Variants in NPC1L1 observed in about 807,000 individuals in gnomAD.
The protein encoded by NPC1L1 is NPC1-like intracellular cholesterol transporter 1.
Under a neutral mutation model 117.0 loss-of-function variants are expected in NPC1L1, and 98 were observed. The observed-to-expected ratio is 0.84, with a 90% CI of 0.71 to 0.99. NPC1L1 has a LOEUF of 0.99. Among genes scored for constraint, NPC1L1 ranks in the 50% least tolerant of loss-of-function variants. NPC1L1 has a pLI of 0.00. For missense variants in NPC1L1, 1,540 were observed against 1,710.0 expected (o/e 0.90, Z 1.75); for synonymous variants, 729 against 727.6 (o/e 1.00, Z -0.03).
At position 44,515,864 on chromosome 7, in the gene NPC1L1, C is replaced by T; in HGVS notation, c.3735G>A (p.Leu1245=). ...IQIFFFRLNL[L]ITLLGLLHGL... is the part of the protein sequence containing the mutation. ...CATGCAGCAGGCCCAGCAGAGTGAT[C>T]AGGAGGTTGAGGCGGAAGAAGAAGA... is the stretch of plus-strand genomic sequence containing the variant. Residue 1245 remains leucine (L), a synonymous_variant, in exon 18 of 19, where the codon CTG becomes CTA. Coordinates refer to ENST00000381160, the MANE Select transcript of NPC1L1 (RefSeq NM_001101648.2). The T allele has an allele frequency of 6.2e-7, 1 of 1,614,104 alleles. No individual in the cohort carries two copies. Among genetic ancestry groups the T allele is most frequent in the Non-Finnish European group, 8.5e-7 (1 of 1,180,012 alleles).
Position 44,540,124 on chromosome 7 carries a change from G to T in NPC1L1, c.273C>A (p.Cys91Ter). 2 of 1,614,200 alleles carry T rather than the reference G, an allele frequency of 1.2e-6. No homozygotes were observed. The highest frequency in any genetic ancestry group is 2.2e-5 in the South Asian group (2 of 91,086). ...CCAGTGATACCAGCTGCTTGGCGGA[G>T]CAGCAGGCTTGGGTGTTGGGGCCGG... Reference protein sequence around the residue: ...LYTGPNTQACCSAKQLVSLEA... With the variant: ...LYTGPNTQAC The change falls in exon 2 of 19, where the codon TGC becomes TGA. Residue 91 changes from cysteine to a stop codon, truncating the protein, a stop_gained. Coordinates refer to ENST00000381160, the MANE Select transcript of NPC1L1 (RefSeq NM_001101648.2). LOFTEE classifies it high-confidence loss of function.
At chr7:44,518,710 G>A (rs905684439) in intron 14 of NPC1L1, 8 of 1,204,192 alleles carry the variant, frequency 6.6e-6, no homozygotes, top group Non-Finnish European at 8.5e-6. Context: ...TGTACAGTGA[G>A]CATGTGTATC....
chr7:44,530,570 GA>G (rs879766423), intron 10 of NPC1L1, among the ~76,000 whole-genome samples: 51 of 151,594 alleles, frequency 3.4e-4, no homozygotes, highest in Non-Finnish European at 6.3e-4. Context: ...ATAAAAAACG[GA>G]AAAAAAATGA....
chr7:44,536,756 C>A lies in NPC1L1; in HGVS notation c.1681+86G>T. ...GGCTACCCCCAGGCCGCGAGAATCC[C>A]CAGCACCACTCCCACCCTCCCGTCT... On this transcript the variant is annotated intron_variant, in intron 3 of 18. Coordinates refer to ENST00000381160, the MANE Select transcript of NPC1L1 (RefSeq NM_001101648.2). The surrounding 1 kb of genome is among the most constrained non-coding windows in gnomAD (Gnocchi z 4.7). The A allele has an allele frequency of 7.9e-7, 1 of 1,258,404 alleles. No homozygotes were observed. The highest frequency in any genetic ancestry group is 1.2e-6 in the Non-Finnish European group (1 of 864,844). The allele number at this position is 1,258,404 out of a possible 1,614,324, so 78.0% of individuals were successfully genotyped here. A position where few individuals can be genotyped will look rare whatever the true frequency, so the allele number is the denominator to read the frequency against.
chr7:44,533,105 C>CAA (rs879840145), intron 8 of NPC1L1: 176 of 254,080 alleles, frequency 6.9e-4, no homozygotes, highest in South Asian at 1.4e-3. Context: ...AACTCCGTCT[C>CAA]AAAAAAAAAA....
Position 44,534,291 on chromosome 7 carries a change from C to T in NPC1L1, c.2166+156G>A, listed in dbSNP as rs936751014. 3.3e-5 allele frequency among the ~76,000 whole-genome samples: 5 copies of T among 152,180 alleles called. No homozygotes were observed. The highest frequency in any genetic ancestry group is 9.7e-5 in the African/African-American group (4 of 41,420). Reference sequence around the variant, plus strand: ...GGATGAAGTCATTTATGTCAACACACTCTAGTTTCTACAGATATTGTAAAC... The same window carrying T: ...GGATGAAGTCATTTATGTCAACACATTCTAGTTTCTACAGATATTGTAAAC... On this transcript the variant is annotated intron_variant, in intron 6 of 18. Transcript: ENST00000381160. This position sits in a 1 kb window ranked among gnomAD's most constrained non-coding sequence, Gnocchi z 5.2.
chr7:44,537,786 T>C (rs559191329), intron 2 of NPC1L1, among the ~76,000 whole-genome samples: 1 of 152,204 alleles, frequency 6.6e-6, no homozygotes, highest in Non-Finnish European at 1.5e-5. Flanking sequence ...ACTATAAAGC[T>C]ACCGTCAGAC....
chr7:44,523,043 A>G (rs1385413215), intron 10 of NPC1L1, among the ~76,000 whole-genome samples: 1 of 152,140 alleles, frequency 6.6e-6, no homozygotes, highest in Non-Finnish European at 1.5e-5. Flanking sequence ...TTTGTCTGGT[A>G]TAACTATTTT....
Position 44,533,445 on chromosome 7 carries a change from T to C in NPC1L1, c.2395A>G (p.Ser799Gly). ...SAFVALLSLD[S>G]KRQEASRLDV... ...GCTGCCCCTACCTCCTGCCTCTTGCTGTCCAGGGAGAGCAGGGCCACAAAG... is the reference window on the plus strand; with the variant it reads ...GCTGCCCCTACCTCCTGCCTCTTGCCGTCCAGGGAGAGCAGGGCCACAAAG... The change falls in exon 8 of 19, where the codon AGC (serine) becomes GGC (glycine). Residue 799 changes from serine (S) to glycine (G), a missense_variant. Ser to Gly is a moderately conservative substitution (Grantham distance 56). Coordinates refer to ENST00000381160, the MANE Select transcript of NPC1L1 (RefSeq NM_001101648.2). 1 of 1,613,940 alleles carries C rather than the reference T, an allele frequency of 6.2e-7. No homozygotes were observed. The highest frequency in any genetic ancestry group is 8.5e-7 in the Non-Finnish European group (1 of 1,179,918).
At chr7:44,521,454 G>A (rs1300055110) in intron 12 of NPC1L1, among the ~76,000 whole-genome samples, 6 of 152,264 alleles carry the variant, frequency 3.9e-5, no homozygotes, top group South Asian at 4.1e-4. Flanking sequence ...CCTGCCACCC[G>A]GGAGCACCAT....
Position 44,539,122 on chromosome 7 carries a change from CAG to C in NPC1L1, c.1273_1274del (p.Leu425AlafsTer120), listed in dbSNP as rs1305301465. ...CGCTGAAGTTCTTGGGCCCCAGCAG[CAG>C]AGAGTCATACCTGTAGCTGGACCGG... is the stretch of plus-strand genomic sequence containing the variant. ...PNRSSYRYDS[L>X]LLGPKNFSGI... is the part of the protein sequence containing the mutation. On this transcript the variant is annotated frameshift_variant, in exon 2 of 19. Coordinates refer to ENST00000381160, the MANE Select transcript of NPC1L1 (RefSeq NM_001101648.2). LOFTEE classifies it high-confidence loss of function. The surrounding 1 kb of genome is among the most constrained non-coding windows in gnomAD (Gnocchi z 4.4). 16 of 1,614,024 alleles carry C rather than the reference CAG, an allele frequency of 9.9e-6. No homozygotes were observed. The East Asian group carries it at 1.6e-4, about 16-fold the overall frequency.
intron 7 of NPC1L1, 44 bp from the exon 8 acceptor site, chr7:44,533,602 G>A (rs1435135254): frequency 3.7e-6 from 6 of 1,613,726 alleles, no homozygotes; most frequent in Non-Finnish European, 5.1e-6. Flanking sequence ...GGCTTCAAGG[G>A]CAGAGTGGTA....
intron 14 of NPC1L1, among the ~76,000 whole-genome samples, chr7:44,520,084 A>G (rs1801305560): frequency 6.6e-6 from 1 of 152,194 alleles, no homozygotes; most frequent in African/African-American, 2.4e-5. Context: ...GTTTGAGACC[A>G]GCTTGGCCAA....
chr7:44,541,275 G>T lies in NPC1L1; in HGVS notation c.-16C>A. ...CCTCCGCCATCCCAGGTCTGGGAAG[G>T]GGTCAGCGGGGAGCCAGGCCAGGCC... On this transcript the variant is annotated 5_prime_UTR_variant, in exon 1 of 19. Coordinates refer to ENST00000381160, the MANE Select transcript of NPC1L1 (RefSeq NM_001101648.2). The T allele has an allele frequency of 1.3e-6, 2 of 1,549,454 alleles. No homozygotes were observed. Among genetic ancestry groups the T allele is most frequent in the South Asian group, 1.2e-5 (1 of 83,972 alleles).
chr7:44,521,678 G>A (rs888647490), intron 12 of NPC1L1, 34 bp downstream of exon 12: 4 of 1,613,792 alleles, frequency 2.5e-6, no homozygotes, highest in Non-Finnish European at 3.4e-6. Flanking sequence ...CCCGAGCTGT[G>A]GTGGACAGTG....
chr7:44,539,686 A>T lies in NPC1L1; in HGVS notation c.711T>A (p.Asn237Lys). The T allele has an allele frequency of 1.2e-6, 2 of 1,613,986 alleles. No individual in the cohort carries two copies. Among genetic ancestry groups the T allele is most frequent in the Non-Finnish European group, 1.7e-6 (2 of 1,180,024 alleles). ...QAVGSGIQPL[N>K]EGVARCNESQ... Reference sequence around the variant, plus strand: ...ACTCATTGCAACGTGCAACCCCCTCATTCAGAGGCTGAATCCCACTCCCCA... The same window carrying T: ...ACTCATTGCAACGTGCAACCCCCTCTTTCAGAGGCTGAATCCCACTCCCCA... The change falls in exon 2 of 19, where the codon AAT becomes AAA. Residue 237 changes from asparagine to lysine, a missense_variant. Around this residue, in one of 3 missense-constraint regions of NPC1L1, gnomAD observed 793 missense variants for 820.4 expected, o/e 0.97. Coordinates refer to ENST00000381160, the MANE Select transcript of NPC1L1 (RefSeq NM_001101648.2). This position sits in a 1 kb window ranked among gnomAD's most constrained non-coding sequence, Gnocchi z 4.4.
At chr7:44,514,449 C>T (rs992250273) in intron 18 of NPC1L1, among the ~76,000 whole-genome samples, 2 of 152,176 alleles carry the variant, frequency 1.3e-5, no homozygotes, top group African/African-American at 2.4e-5. Context: ...AGATGGATCA[C>T]CTGAGGCCAC....
In NPC1L1 at chr7:44,520,921, C is replaced by A. The variant is rs201844646; in HGVS notation, c.3080+71G>T. 664 of 1,613,536 alleles carry A rather than the reference C, an allele frequency of 4.1e-4. No homozygotes were observed. The East Asian group carries it at 0.013, about 30-fold the overall frequency. Reference sequence around the variant, plus strand: ...GAGGCCCCTGATAGCCTCCTCCTGCCTCTCTATATTCAACCCCATCCTGTG... The same window carrying A: ...GAGGCCCCTGATAGCCTCCTCCTGCATCTCTATATTCAACCCCATCCTGTG... On this transcript the variant is annotated intron_variant, in intron 13 of 18. Coordinates refer to ENST00000381160, the MANE Select transcript of NPC1L1 (RefSeq NM_001101648.2).
Position 44,540,224 on chromosome 7 carries a change from A to G in NPC1L1, c.173T>C (p.Leu58Pro). 1 of 1,614,092 alleles carries G rather than the reference A, an allele frequency of 6.2e-7. No individual in the cohort carries two copies. The highest frequency in any genetic ancestry group is 8.5e-7 in the Non-Finnish European group (1 of 1,180,016). ...SLMTLSNVSC[L>P]SNTPARKITG... ...GATCTTGCGGGCCGGCGTGTTGGAC[A>G]GGCAGGACACGTTGGAGAGTGTCAT... is the stretch of plus-strand genomic sequence containing the variant. The change falls in exon 2 of 19, where the codon CTG (leucine) becomes CCG (proline). Residue 58 changes from leucine to proline, a missense_variant. Coordinates refer to ENST00000381160, the MANE Select transcript of NPC1L1 (RefSeq NM_001101648.2).
Sources: allele counts gnomAD v4.1 joint callset (sites outside exome capture counted in the v4.1 genomes callset), GRCh38; gene constraint gnomAD v4.1.1; regional missense constraint gnomAD v4.1.1; non-coding constraint Gnocchi (gnomAD v3.1); transcripts MANE v1.5; gene names NCBI Gene and HGNC (gene_info 2026-07-23, HGNC 2026-07-21).